Variants in FTO observed in about 807,000 individuals in gnomAD.
FTO encodes alpha-ketoglutarate-dependent dioxygenase FTO.
In FTO, 47 loss-of-function variants were observed where a neutral mutation model predicts 63.9. The observed-to-expected ratio is 0.74, with a 90% CI of 0.58 to 0.94. FTO has a LOEUF of 0.94. FTO is among the 40% of genes least tolerant of loss of function. The probability of loss-of-function intolerance (pLI) is 0.00; values close to 1 mark genes in which losing one functional copy is unlikely to be tolerated. For synonymous variants in FTO, 207 were observed against 224.4 expected, an observed-to-expected ratio of 0.92 and a Z score of 0.69; for missense variants, 562 against 618.1, an observed-to-expected ratio of 0.91 and a Z score of 0.96.
intron 8 of FTO, among the ~76,000 whole-genome samples, chr16:53,997,890 A>T (rs1214123872): frequency 1.2e-4 from 18 of 152,238 alleles, no homozygotes; most frequent in African/African-American, 3.9e-4. Flanking sequence ...GGTGACTTCC[A>T]CAGTCAAATA....
chr16:53,817,482 A>G (rs1161971977), intron 2 of FTO, among the ~76,000 whole-genome samples: 3 of 152,374 alleles, frequency 2.0e-5, no homozygotes, highest in East Asian at 1.9e-4. Flanking sequence ...AGCAAAATCT[A>G]TTAACAGCTA....
At chr16:53,741,724 T>C (rs2076531862) in intron 1 of FTO, among the ~76,000 whole-genome samples, 1 of 152,218 alleles carries the variant, frequency 6.6e-6, no homozygotes, top group Non-Finnish European at 1.5e-5. Context: ...GTTATTGTTG[T>C]GTATCAAGTT....
chr16:53,972,074 T>A (rs746950048), intron 8 of FTO, among the ~76,000 whole-genome samples: 4 of 152,100 alleles, frequency 2.6e-5, no homozygotes, highest in Admixed American at 2.0e-4. Context: ...GAGCCAGTCA[T>A]ATGGAGACAG....
At chr16:53,805,883 G>T (rs973415005) in intron 1 of FTO, among the ~76,000 whole-genome samples, 3 of 152,168 alleles carry the variant, frequency 2.0e-5, no homozygotes, top group African/African-American at 7.2e-5. Flanking sequence ...CGCTCTCTCT[G>T]GCTCTCCGTG....
At chr16:53,927,092 T>C (rs1326535396) in intron 7 of FTO, among the ~76,000 whole-genome samples, 1 of 152,144 alleles carries the variant, frequency 6.6e-6, no homozygotes, top group African/African-American at 2.4e-5. Flanking sequence ...TTTTAAAAGA[T>C]CACTCTTGAA....
At chr16:54,007,754 C>T (rs2084244698) in intron 8 of FTO, among the ~76,000 whole-genome samples, 1 of 152,174 alleles carries the variant, frequency 6.6e-6, no homozygotes, top group African/African-American at 2.4e-5. Context: ...TCCTGTGTCG[C>T]CAGAGCTTCT....
chr16:53,776,193 C>T (rs147403410), intron 1 of FTO, among the ~76,000 whole-genome samples: 2 of 152,210 alleles, frequency 1.3e-5, no homozygotes, highest in African/African-American at 4.8e-5. Flanking sequence ...GCTCCTTATC[C>T]CCGTTTGCCA....
chr16:53,746,973 C>T (rs1189851030), intron 1 of FTO, among the ~76,000 whole-genome samples: 1 of 152,170 alleles, frequency 6.6e-6, no homozygotes, highest in Non-Finnish European at 1.5e-5. Flanking sequence ...CTGTACCTGG[C>T]TTATTTCACT....
intron 7 of FTO, among the ~76,000 whole-genome samples, chr16:53,898,034 C>T (rs1421007607): frequency 6.6e-6 from 1 of 152,184 alleles, no homozygotes; most frequent in Admixed American, 6.5e-5. Context: ...AACCAGCTTT[C>T]CTGCTTCTAC....
At chr16:54,092,546 T>C (rs2086414458) in intron 8 of FTO, among the ~76,000 whole-genome samples, 1 of 152,214 alleles carries the variant, frequency 6.6e-6, no homozygotes, top group Non-Finnish European at 1.5e-5. Flanking sequence ...TCCTTCTCTT[T>C]GAGGAAAGAT....
intron 8 of FTO, among the ~76,000 whole-genome samples, chr16:54,082,032 A>G (rs2086159896): frequency 6.6e-6 from 1 of 152,092 alleles, no homozygotes; most frequent in Non-Finnish European, 1.5e-5. Flanking sequence ...GGGGGCAATA[A>G]TTCTTCTCCC....
chr16:53,850,150 G>A (rs2079746577), intron 4 of FTO, among the ~76,000 whole-genome samples: 1 of 152,202 alleles, frequency 6.6e-6, no homozygotes, highest in South Asian at 2.1e-4. Flanking sequence ...TCAGGCTGCA[G>A]TTGGTAAGCT....
chr16:53,995,537 A>G (rs1465516991), intron 8 of FTO, among the ~76,000 whole-genome samples: 1 of 152,238 alleles, frequency 6.6e-6, no homozygotes, highest in Non-Finnish European at 1.5e-5. Context: ...TTTCACAGCC[A>G]GGTACCCTGG....
At position 54,048,163 on chromosome 16, in the gene FTO, G is replaced by C. The variant is rs573848618; in HGVS notation, c.1365-63599G>C. ...AAAAAGAATTTCCCTAAGTCAACAA[G>C]ACAAGGTCTAATAAACTTCAGGTCT... On this transcript the variant is annotated intron_variant, in intron 8 of 8. Coordinates refer to ENST00000471389, the MANE Select transcript of FTO (RefSeq NM_001080432.3). Among the ~76,000 whole-genome samples the C allele has an allele frequency of 3.8e-4, 34 of 88,546 alleles. No homozygotes were observed. The South Asian group carries it at 0.013, about 33-fold the overall frequency. 58.1% of individuals were successfully genotyped at this position (88,546 alleles called of 152,430 possible). A position where few individuals can be genotyped will look rare whatever the true frequency, so the allele number is the denominator to read the frequency against.
intron 8 of FTO, among the ~76,000 whole-genome samples, chr16:54,094,868 G>A (rs1007196665): frequency 2.0e-5 from 3 of 152,096 alleles, no homozygotes; most frequent in Non-Finnish European, 2.9e-5. Context: ...GGCTTTCTGC[G>A]GAGCACCGTG....
intron 1 of FTO, among the ~76,000 whole-genome samples, chr16:53,776,610 A>ACTGGG (rs1330713624): frequency 7.2e-5 from 11 of 152,178 alleles, no homozygotes; most frequent in African/African-American, 2.2e-4. Context: ...TTATTGATTT[A>ACTGGG]AAAATAGCAA....
intron 1 of FTO, among the ~76,000 whole-genome samples, chr16:53,795,338 T>C (rs1004330913): frequency 1.3e-5 from 2 of 152,170 alleles, no homozygotes; most frequent in African/African-American, 4.8e-5. Context: ...TTCCAACATA[T>C]GTCTAATAAG....
intron 8 of FTO, among the ~76,000 whole-genome samples, chr16:53,967,319 T>A (rs2083218262): frequency 1.3e-5 from 2 of 152,186 alleles, no homozygotes; most frequent in African/African-American, 4.8e-5. Context: ...CAGCGTTTGT[T>A]GCCTGATTTT....
At chr16:53,800,849 A>AT (rs149519344) in intron 1 of FTO, among the ~76,000 whole-genome samples, 28 of 152,012 alleles carry the variant, frequency 1.8e-4, no homozygotes, top group Middle Eastern at 6.9e-3. Flanking sequence ...TTCTTTACAA[A>AT]TCTTTTTTTA....
Sources: allele counts gnomAD v4.1 joint callset (sites outside exome capture counted in the v4.1 genomes callset), GRCh38; gene constraint gnomAD v4.1.1; transcripts MANE v1.5; gene names NCBI Gene and HGNC (gene_info 2026-07-23, HGNC 2026-07-21).